RHPN1: variants seen among roughly 807,000 people sequenced by gnomAD.
The protein encoded by RHPN1 is rhophilin-1.
A neutral mutation model predicts 74.7 loss-of-function variants in RHPN1; 77 were observed. The ratio of observed to expected loss-of-function variants is 1.03; its 90% confidence interval spans 0.86 to 1.25. The LOEUF (loss-of-function observed/expected upper bound fraction) is 1.25, where lower values mean the gene tolerates loss of function less well. Ranked by LOEUF, RHPN1 falls within the 50% of genes most tolerant of loss-of-function variation. RHPN1 has a pLI of 0.00. For missense variants in RHPN1, 987 were observed against 932.2 expected (o/e 1.06, Z -0.77); for synonymous variants, 444 against 414.5 (o/e 1.07, Z -0.87).
intron 3 of RHPN1, among the ~76,000 whole-genome samples, chr8:143,377,061 C>CGT (rs200671137): frequency 0.48 from 52,932 of 109,272 alleles, 10,688 homozygotes; most frequent in East Asian, 0.62. Context: ...TCTGTGTGTG[C>CGT]GCGTGTGTGT....
rs1818924584 is a variant in RHPN1 at position 143,384,201 on chromosome 8, A to G, written c.*1550A>G. 6.8e-6 allele frequency: 1 copy of G among 146,174 alleles called. No individual in the cohort carries two copies. Among genetic ancestry groups the G allele is most frequent in the Non-Finnish European group, 1.5e-5 (1 of 64,772 alleles). 9.1% of individuals were successfully genotyped at this position (146,174 alleles called of 1,614,324 possible). A position where few individuals can be genotyped will look rare whatever the true frequency, so the allele number is the denominator to read the frequency against. On this transcript the variant is annotated 3_prime_UTR_variant, in exon 15 of 15. Coordinates refer to ENST00000289013, the MANE Select transcript of RHPN1 (RefSeq NM_052924.3). ...TCCCCAGCACGTGTTAATTTGGTTA[A>G]TAAAACTGTGGATCAAGGAGGCCAG...
chr8:143,376,739 C>A (rs999184637), intron 3 of RHPN1, 86 bp downstream of exon 3: 3 of 1,419,202 alleles, frequency 2.1e-6, no homozygotes, highest in East Asian at 5.1e-5. Flanking sequence ...GCATGTGTGT[C>A]TCTGTGTGTA....
At chr8:143,366,233 G>A (rs549674168), upstream of RHPN1, among the ~76,000 whole-genome samples, 60 of 151,886 alleles carry the variant, frequency 4.0e-4, no homozygotes, top group Non-Finnish European at 6.6e-4. Flanking sequence ...GCTCACTGCC[G>A]TGCCCCTCCC....
chr8:143,378,356 T>TCCCCAC lies in RHPN1; in HGVS notation c.459+14_459+15insACCCCC. 6.6e-7 allele frequency: 1 copy of TCCCCAC among 1,525,438 alleles called. No individual in the cohort carries two copies. Among genetic ancestry groups the TCCCCAC allele is most frequent in the Non-Finnish European group, 8.8e-7 (1 of 1,136,348 alleles). The allele number at this position is 1,525,438 out of a possible 1,614,324, so 94.5% of individuals were successfully genotyped here. ...GGAGGCCCTGCGGCAGGTGTGTGGT[T>TCCCCAC]CCCCCGCCCACCCACCCTCCTGCAG... On this transcript the variant is annotated intron_variant, in intron 5 of 14. Transcript: ENST00000289013.
At chr8:143,377,494 G>C (rs1356663052) in intron 4 of RHPN1, 39 bp downstream of exon 4, 1 of 1,493,266 alleles carries the variant, frequency 6.7e-7, no homozygotes, top group Admixed American at 1.7e-5. Context: ...ACACGGCCCT[G>C]CCCTGGGACC....
intron 1 of RHPN1, among the ~76,000 whole-genome samples, 187 bp downstream of exon 1, chr8:143,369,234 C>G (rs553896778): frequency 6.6e-6 from 1 of 152,190 alleles, no homozygotes; most frequent in South Asian, 2.1e-4. Flanking sequence ...CCAGGCCACT[C>G]ATGTGAGCCG....
Position 143,375,652 on chromosome 8 carries a change from G to A in RHPN1, c.160G>A (p.Ala54Thr), listed in dbSNP as rs764387997. The change falls in exon 2 of 15, where the codon GCT becomes ACT. Residue 54 changes from alanine to threonine, a missense_variant. By Grantham distance (58) the Ala-to-Thr change is moderately conservative. Transcript: ENST00000289013. The stretch of plus-strand genomic sequence containing the variant: ...CAAGGAGCTGCAGATGCGGACGGGC[G>A]CTGAGAACCTCTACAGGTCAGTGCT... ...IDKELQMRTG[A>T]ENLYRATSNN... The A allele has an allele frequency of 1.1e-5, 18 of 1,607,426 alleles. No homozygotes were observed. Among genetic ancestry groups the A allele is most frequent in the African/African-American group, 5.4e-5 (4 of 74,604 alleles).
At chr8:143,364,502 C>G (rs1817537748), upstream of RHPN1, among the ~76,000 whole-genome samples, 1 of 152,158 alleles carries the variant, frequency 6.6e-6, no homozygotes, top group South Asian at 2.1e-4. The surrounding 1 kb of genome is among the most constrained non-coding windows in gnomAD (Gnocchi z 4.5). Flanking sequence ...CCTGGCAGGG[C>G]ACCCAGAAGA....
At position 143,383,817 on chromosome 8, in the gene RHPN1, T is replaced by C. The variant is rs2129659255; in HGVS notation, c.*1166T>C. On this transcript the variant is annotated 3_prime_UTR_variant, in exon 15 of 15. Transcript: ENST00000289013. ...GGGAGGCGGCACGGGCAGGTGCGCC[T>C]TGGGAGGGCTGAGGCAAAGACCCCG... 6.6e-6 allele frequency: 1 copy of C among 152,258 alleles called. No individual in the cohort carries two copies. The highest frequency in any genetic ancestry group is 1.9e-4 in the East Asian group (1 of 5,152). The allele number at this position is 152,258 out of a possible 1,614,324, so 9.4% of individuals were successfully genotyped here.
chr8:143,374,175 T>C (rs1818054571), intron 1 of RHPN1: 2 of 985,454 alleles, frequency 2.0e-6, no homozygotes, highest in Non-Finnish European at 2.4e-6. Flanking sequence ...GTGAGCTCTT[T>C]ACGGGGAAGA....
In RHPN1 at chr8:143,382,659, G is replaced by C. The variant is rs773074335; in HGVS notation, c.*8G>C. 2.5e-6 allele frequency: 4 copies of C among 1,605,232 alleles called. No homozygotes were observed. ...CACCCAGGGTGGCCGTGAGGGCCAG[G>C]ATCCCTGCACGCCTCAGCCCTGGCT... is the stretch of plus-strand genomic sequence containing the variant. On this transcript the variant is annotated 3_prime_UTR_variant, in exon 15 of 15. Transcript: ENST00000289013.
chr8:143,374,744 AG>A (rs1181849859), intron 1 of RHPN1, among the ~76,000 whole-genome samples: 3 of 152,202 alleles, frequency 2.0e-5, no homozygotes, highest in Non-Finnish European at 4.4e-5. Flanking sequence ...CAACACCACA[AG>A]GGTGGGGTGG....
At chr8:143,369,071 G>C in intron 1 of RHPN1, 24 bp downstream of exon 1, 5 of 1,456,314 alleles carry the variant, frequency 3.4e-6, no homozygotes, top group Non-Finnish European at 4.5e-6. Flanking sequence ...GCGCGGCGGC[G>C]GGAGGAGGGG....
intron 1 of RHPN1, among the ~76,000 whole-genome samples, chr8:143,370,133 G>C (rs1817727558): frequency 6.6e-6 from 1 of 152,244 alleles, no homozygotes; most frequent in Admixed American, 6.5e-5. Context: ...TGGGTGGAAT[G>C]TTTGGGAGGC....
chr8:143,371,825 T>A (rs193015581), intron 1 of RHPN1, among the ~76,000 whole-genome samples: 1 of 152,106 alleles, frequency 6.6e-6, no homozygotes, highest in African/African-American at 2.4e-5. Flanking sequence ...GTCACCTTTG[T>A]CTCCAGAGGG....
chr8:143,381,245 G>A, intron 11 of RHPN1, 23 bp from the exon 12 acceptor site: 2 of 1,604,916 alleles, frequency 1.2e-6, no homozygotes, highest in East Asian at 4.5e-5. Flanking sequence ...TCCCAGCTTA[G>A]CTCTGCTCTT....
At position 143,377,910 on chromosome 8, in the gene RHPN1, C is replaced by T. The variant is rs560301034; in HGVS notation, c.382-359C>T. 1.6e-3 allele frequency among the ~76,000 whole-genome samples: 251 copies of T among 152,332 alleles called. 1 individual carries two copies. Among genetic ancestry groups the T allele is most frequent in the Non-Finnish European group, 3.2e-3 (216 of 68,020 alleles). On this transcript the variant is annotated intron_variant, in intron 4 of 14. Transcript: ENST00000289013. ...GGAGCCACTGACTGTGTTCCGTGTCCGAGTCACTGAGTGGCAGATGGCACC... is the reference window on the plus strand; with the variant it reads ...GGAGCCACTGACTGTGTTCCGTGTCTGAGTCACTGAGTGGCAGATGGCACC...
chr8:143,380,713 A>T lies in RHPN1; in HGVS notation c.1341A>T (p.Ser447=), dbSNP rs376538992. The change falls in exon 11 of 15, where the codon TCA becomes TCT. Residue 447 remains serine, a synonymous_variant. Transcript: ENST00000289013. ...TGATCTCCCAGACGCTGCAGCGCTCACTGGCCAAGTATGCGGAGCTCGACC... is the reference window on the plus strand; with the variant it reads ...TGATCTCCCAGACGCTGCAGCGCTCTCTGGCCAAGTATGCGGAGCTCGACC... The part of the protein sequence containing the change: ...RAVISQTLQR[S]LAKYAELDRE... The T allele has an allele frequency of 2.8e-5, 45 of 1,593,414 alleles. No individual in the cohort carries two copies. Among genetic ancestry groups the T allele is most frequent in the Non-Finnish European group, 3.6e-5 (42 of 1,170,614 alleles).
At chr8:143,367,750 GA>G (rs902423642), upstream of RHPN1, 2 of 152,384 alleles carry the variant, frequency 1.3e-5, no homozygotes, top group African/African-American at 2.4e-5. Flanking sequence ...AGTGAACGTG[GA>G]CAAGACCTGG....
Sources: allele counts gnomAD v4.1 joint callset (sites outside exome capture counted in the v4.1 genomes callset), GRCh38; gene constraint gnomAD v4.1.1; non-coding constraint Gnocchi (gnomAD v3.1); transcripts MANE v1.5; gene names NCBI Gene and HGNC (gene_info 2026-07-23, HGNC 2026-07-21).